DMD: variants seen among roughly 807,000 people sequenced by gnomAD.
DMD encodes dystrophin.
In DMD, 63 loss-of-function variants were observed where a neutral mutation model predicts 330.1. The observed-to-expected ratio is 0.19, with a 90% CI of 0.16 to 0.24. The LOEUF is 0.24. Ranked by LOEUF, DMD falls within the 10% of genes least tolerant of loss-of-function variation. DMD has a pLI of 1.00. For missense variants in DMD, 3,344 were observed against 2,684.1 expected, an observed-to-expected ratio of 1.25 and a Z score of -5.43; for synonymous variants, 1,223 against 959.8, an observed-to-expected ratio of 1.27 and a Z score of -5.07.
At chrX:32,085,446 C>T (rs2096424770) in intron 44 of DMD, among the ~76,000 whole-genome samples, 1 of 108,380 alleles carries the variant, frequency 9.2e-6, no homozygotes, top group Admixed American at 1.0e-4. Flanking sequence ...TGCACACCCC[C>T]ACACTTCAGT....
chrX:32,572,523 A>G (rs1272714002), intron 15 of DMD, among the ~76,000 whole-genome samples: 3 of 107,323 alleles, frequency 2.8e-5, no homozygotes, highest in Non-Finnish European at 5.8e-5. Context: ...GAAATGATAA[A>G]ATTCACAGAG....
intron 7 of DMD, among the ~76,000 whole-genome samples, chrX:32,780,711 G>A (rs148418936): frequency 0.012 from 1,302 of 110,650 alleles, 17 homozygotes; most frequent in Non-Finnish European, 0.017. Context: ...GCTTGATAAC[G>A]TATCTGATCA....
chrX:32,369,839 C>A (rs1006534908), intron 34 of DMD, among the ~76,000 whole-genome samples: 1 of 111,261 alleles, frequency 9.0e-6, no homozygotes, highest in African/African-American at 3.3e-5. Flanking sequence ...TATTTACCTA[C>A]GTACCTTAAC....
chrX:32,477,203 A>G (rs1190314040), intron 21 of DMD, among the ~76,000 whole-genome samples: 2 of 111,199 alleles, frequency 1.8e-5, no homozygotes, highest in Non-Finnish European at 3.8e-5. Context: ...AATGAAAATC[A>G]ATATAAGTGA....
At chrX:32,934,327 G>C (rs2089829067) in intron 2 of DMD, among the ~76,000 whole-genome samples, 1 of 110,881 alleles carries the variant, frequency 9.0e-6, no homozygotes, top group Non-Finnish European at 1.9e-5. Context: ...GGCTGAGGTG[G>C]GAGGGTTACC....
In DMD at chrX:31,126,803, G is replaced by GA. The variant is rs58738809; in HGVS notation, c.11015-131dup. 1,128 of 252,105 alleles carry GA rather than the reference G, an allele frequency of 4.5e-3. 6 individuals are homozygous for GA. The highest frequency in any genetic ancestry group is 9.7e-3 in the Admixed American group (140 of 14,482). The allele number at this position is 252,105 out of a possible 1,213,427, so 20.8% of individuals were successfully genotyped here. The stretch of plus-strand genomic sequence containing the variant: ...TGAGATGACCATTTATTCTCTGCTG[G>GA]AAAAAAAAAAAAAAAAAAAAACAGA... On this transcript the variant is annotated intron_variant, in intron 77 of 78. Transcript: ENST00000357033.
At chrX:31,385,858 C>A (rs185480885) in intron 60 of DMD, among the ~76,000 whole-genome samples, 1,128 of 112,010 alleles carry the variant, frequency 0.01, 12 homozygotes, top group African/African-American at 0.034. Context: ...CCATTTGACC[C>A]AGCCATCCCA....
intron 15 of DMD, among the ~76,000 whole-genome samples, chrX:32,568,818 T>C (rs1394419286): frequency 9.0e-6 from 1 of 111,670 alleles, no homozygotes; most frequent in Non-Finnish European, 1.9e-5. Flanking sequence ...GCCAGATACA[T>C]TAGATCATAG....
At chrX:32,860,058 TA>T (rs2081957953) in intron 2 of DMD, among the ~76,000 whole-genome samples, 1 of 111,816 alleles carries the variant, frequency 8.9e-6, no homozygotes, top group African/African-American at 3.3e-5. Context: ...CGAAAGGACC[TA>T]AAAACGAGAC....
chrX:32,604,677 C>G (rs1172335858), intron 12 of DMD, among the ~76,000 whole-genome samples: 13 of 109,785 alleles, frequency 1.2e-4, no homozygotes, highest in African/African-American at 4.3e-4. Context: ...CCAAAAGGAC[C>G]CTATATTTGA....
chrX:33,092,913 G>A lies in DMD; in HGVS notation c.32-72713C>T, dbSNP rs982411908. ...TTTTGAGATGGAGTCTTGCTCTGTCGCCCAGGCTGGAGTGCAGTGTCACGA... is the reference window on the plus strand; with the variant it reads ...TTTTGAGATGGAGTCTTGCTCTGTCACCCAGGCTGGAGTGCAGTGTCACGA... On this transcript the variant is annotated intron_variant, in intron 1 of 78. Transcript: ENST00000357033. Among the ~76,000 whole-genome samples, 17 of 109,600 alleles carry A rather than the reference G, an allele frequency of 1.6e-4. No individual in the cohort carries two copies. The East Asian group carries it at 2.3e-3, about 15-fold the overall frequency.
chrX:31,311,101 T>C (rs983399940), intron 62 of DMD, among the ~76,000 whole-genome samples: 2 of 111,747 alleles, frequency 1.8e-5, no homozygotes, highest in Non-Finnish European at 3.8e-5. Flanking sequence ...TGAAATGTTC[T>C]GCATGTAATA....
rs72466580 is a variant in DMD at position 31,657,983 on chromosome X, T to A, written c.8027+7A>T. ...AACAGTAGTTTTAGAAATAATGTAA[T>A]TCATACCTTTTATGAATGCTTCTCC... On this transcript the variant is annotated splice_region_variant and intron_variant, in intron 54 of 78. Coordinates refer to ENST00000357033, the MANE Select transcript of DMD (RefSeq NM_004006.3). 2.0e-4 allele frequency: 243 copies of A among 1,204,292 alleles called. No homozygotes were observed. The highest frequency in any genetic ancestry group is 2.5e-4 in the Non-Finnish European group (226 of 890,252).
At chrX:32,463,708 G>C (rs1424087115) in intron 24 of DMD, 114 bp from the exon 25 acceptor site, 3 of 695,197 alleles carry the variant, frequency 4.3e-6, no homozygotes, top group Non-Finnish European at 5.9e-6. Context: ...ATGGATTTTT[G>C]TCTTTTAAAA....
chrX:32,106,370 G>T (rs1047086998), intron 44 of DMD, among the ~76,000 whole-genome samples: 5 of 111,772 alleles, frequency 4.5e-5, no homozygotes, highest in South Asian at 3.7e-4. Context: ...CTCAAGAAAA[G>T]GATAGAAGTC....
chrX:32,030,404 A>G (rs138993642), intron 44 of DMD, among the ~76,000 whole-genome samples: 1,228 of 112,126 alleles, frequency 0.011, 10 homozygotes, highest in South Asian at 0.025. Context: ...ATTCTCTTAC[A>G]TGTCTGCCTC....
chrX:31,735,071 G>C (rs2086773961), intron 51 of DMD, among the ~76,000 whole-genome samples: 1 of 110,953 alleles, frequency 9.0e-6, no homozygotes, highest in African/African-American at 3.3e-5. Context: ...CAATGATTGG[G>C]TGTGGTGGGA....
At chrX:33,006,486 A>G (rs1224660194) in intron 2 of DMD, among the ~76,000 whole-genome samples, 1 of 111,939 alleles carries the variant, frequency 8.9e-6, no homozygotes, top group African/African-American at 3.2e-5. Flanking sequence ...AATAGAATGG[A>G]GCAAAGATAG....
chrX:31,151,322 A>G, intron 74 of DMD, among the ~76,000 whole-genome samples: 1 of 112,573 alleles, frequency 8.9e-6, no homozygotes, highest in East Asian at 2.8e-4. Flanking sequence ...AACACTTTTT[A>G]TGTAGAATCC....
Sources: gnomAD v4.1 joint callset for allele counts (sites outside exome capture counted in the v4.1 genomes callset) on GRCh38, gnomAD v4.1.1 for gene constraint, MANE v1.5 for transcripts, NCBI Gene and HGNC (gene_info 2026-07-23, HGNC 2026-07-21) for gene names.